Variants in DCT observed in about 807,000 individuals in gnomAD.
The protein encoded by DCT is dopachrome tautomerase.
A neutral mutation model predicts 53.0 loss-of-function variants in DCT; 47 were observed. That is an observed-to-expected ratio of 0.89 (90% confidence interval 0.70 to 1.13). The LOEUF (loss-of-function observed/expected upper bound fraction) is 1.13. Ranked by LOEUF, DCT falls within the 50% of genes most tolerant of loss-of-function variation. The pLI is 0.00. For synonymous variants in DCT, 244 were observed against 237.0 expected, an observed-to-expected ratio of 1.03 and a Z score of -0.27; for missense variants, 669 against 637.4, an observed-to-expected ratio of 1.05 and a Z score of -0.53.
the DCT span, among the ~76,000 whole-genome samples, chr13:94,547,487 C>T: frequency 1.3e-5 from 2 of 152,052 alleles, no homozygotes; most frequent in African/African-American, 2.4e-5. Context: ...CTGCCTTATG[C>T]CCTTCAGTCG....
the DCT span, among the ~76,000 whole-genome samples, chr13:94,545,141 A>T: frequency 1.3e-5 from 2 of 152,080 alleles, no homozygotes; most frequent in African/African-American, 4.8e-5. Flanking sequence ...ACTCCCGGGA[A>T]GTGACAGTGT....
At chr13:94,537,829 A>G in the DCT span, among the ~76,000 whole-genome samples, 1 of 152,202 alleles carries the variant, frequency 6.6e-6, no homozygotes, top group Non-Finnish European at 1.5e-5. Context: ...ACGTCAGTGT[A>G]GGCTCTCAGA....
chr13:94,487,591 A>G, the DCT span, among the ~76,000 whole-genome samples: 1 of 152,186 alleles, frequency 6.6e-6, no homozygotes, highest in Non-Finnish European at 1.5e-5. Flanking sequence ...ATTGAAGAGA[A>G]AGGTAGATGT....
chr13:94,448,223 T>C (rs1480447492), intron 6 of DCT, among the ~76,000 whole-genome samples: 1 of 151,958 alleles, frequency 6.6e-6, no homozygotes, highest in Non-Finnish European at 1.5e-5. Context: ...CCAGCCTGAG[T>C]GACAGAGCGA....
chr13:94,503,097 T>C, the DCT span, among the ~76,000 whole-genome samples: 3 of 152,022 alleles, frequency 2.0e-5, no homozygotes, highest in African/African-American at 7.2e-5. Context: ...TACAGTTAGG[T>C]TGGGTGCGGT....
the DCT span, among the ~76,000 whole-genome samples, chr13:94,510,282 T>A: frequency 3.9e-5 from 6 of 152,258 alleles, no homozygotes; most frequent in South Asian, 4.1e-4. Flanking sequence ...GGGTGCATCA[T>A]GGGTATCGGG....
chr13:94,495,101 T>A, the DCT span, among the ~76,000 whole-genome samples: 2 of 152,214 alleles, frequency 1.3e-5, no homozygotes, highest in African/African-American at 4.8e-5. Flanking sequence ...CTTATTTATA[T>A]TTTCTTTTTT....
At chr13:94,524,820 G>A in the DCT span, among the ~76,000 whole-genome samples, 4 of 152,162 alleles carry the variant, frequency 2.6e-5, no homozygotes, top group East Asian at 1.9e-4. Context: ...GGGTTGTTAC[G>A]AATGTAACTA....
intron 6 of DCT, among the ~76,000 whole-genome samples, chr13:94,453,043 C>T (rs1368750853): frequency 1.3e-5 from 2 of 151,974 alleles, no homozygotes; most frequent in Non-Finnish European, 2.9e-5. Flanking sequence ...ATTTAGAAAA[C>T]TATGCAACAA....
At position 94,462,184 on chromosome 13, in the gene DCT, T is replaced by C; in HGVS notation, c.869A>G (p.Asp290Gly). 6.2e-7 allele frequency: 1 copy of C among 1,610,976 alleles called. No homozygotes were observed. The highest frequency in any genetic ancestry group is 1.1e-5 in the South Asian group (1 of 91,000). ...SSWETVCDSLDDYNHLVTLCN... is the reference protein window; with the variant it reads ...SSWETVCDSLGDYNHLVTLCN... ...CAAGGTGACCAGGTGGTTGTAGTCA[T>C]CCAAGCTAAGATTTGTAATAAGATT... is the stretch of plus-strand genomic sequence containing the variant. Residue 290 changes from aspartate to glycine, a missense_variant, in exon 5 of 8, where the codon GAT becomes GGT. Transcript: ENST00000377028.
At chr13:94,538,793 G>T in the DCT span, among the ~76,000 whole-genome samples, 14 of 152,288 alleles carry the variant, frequency 9.2e-5, no homozygotes, top group African/African-American at 3.1e-4. Flanking sequence ...ATTTTCAGAA[G>T]CTTCCCCATC....
chr13:94,449,745 T>C (rs981218965), intron 6 of DCT, among the ~76,000 whole-genome samples: 4 of 152,228 alleles, frequency 2.6e-5, no homozygotes, highest in African/African-American at 9.6e-5. Context: ...TTTAGGGAAA[T>C]ATCTTGTCTT....
chr13:94,530,192 C>A, the DCT span, among the ~76,000 whole-genome samples: 61,357 of 151,912 alleles, frequency 0.4, 13,126 homozygotes, highest in East Asian at 0.62. Flanking sequence ...GATACACAGC[C>A]GAATTCTACC....
At chr13:94,497,583 G>A in the DCT span, among the ~76,000 whole-genome samples, 3 of 152,110 alleles carry the variant, frequency 2.0e-5, no homozygotes, top group Non-Finnish European at 4.4e-5. Flanking sequence ...GCAAACTACA[G>A]AAAATAAAAT....
At chr13:94,468,596 G>A (rs979147320) in intron 2 of DCT, 150 bp downstream of exon 2, 132 of 703,702 alleles carry the variant, frequency 1.9e-4, no homozygotes, top group Non-Finnish European at 2.9e-4. Flanking sequence ...AACTCCAGGC[G>A]GTATTTGATA....
chr13:94,468,734 G>GA lies in DCT; in HGVS notation c.595+11dup. On this transcript the variant is annotated intron_variant, in intron 2 of 7. Transcript: ENST00000377028. ...CTGTAATAATATACCTTCAGCCAAG[G>GA]AAAAAACCCACCTAATAATGTATCT... 6.2e-7 allele frequency: 1 copy of GA among 1,609,084 alleles called. No individual in the cohort carries two copies. Among genetic ancestry groups the GA allele is most frequent in the Non-Finnish European group, 8.5e-7 (1 of 1,177,062 alleles).
In DCT at chr13:94,465,645, G is replaced by A; in HGVS notation, c.851C>T (p.Thr284Ile). The change falls in exon 4 of 8, where the codon ACT becomes ATT. Residue 284 changes from threonine (T) to isoleucine (I), a missense_variant. Physicochemically the swap from Thr to Ile is moderately conservative, Grantham distance 89. Coordinates refer to ENST00000377028, the MANE Select transcript of DCT (RefSeq NM_001922.5). ...CAGGAGCCATTACCTATCACAGACA[G>A]TTTCCCAGCTGGAGAATCTTGAGTT... The part of the protein sequence containing the change: ...SRNSRFSSWE[T>I]VCDSLDDYNH... 3.7e-6 allele frequency: 6 copies of A among 1,613,340 alleles called. No individual in the cohort carries two copies. The highest frequency in any genetic ancestry group is 5.1e-6 in the Non-Finnish European group (6 of 1,179,662).
At chr13:94,497,021 T>C in the DCT span, among the ~76,000 whole-genome samples, 1,687 of 152,328 alleles carry the variant, frequency 0.011, 26 homozygotes, top group African/African-American at 0.039. Context: ...GAAATCTGTG[T>C]TGGTTAATTT....
upstream of DCT, among the ~76,000 whole-genome samples, chr13:94,482,120 C>G (rs1010437476): frequency 1.4e-4 from 22 of 152,154 alleles, no homozygotes; most frequent in Non-Finnish European, 1.6e-4. Flanking sequence ...GGGGAGAGTC[C>G]GGCTGTGAGG....
Sources: allele counts gnomAD v4.1 joint callset (sites outside exome capture counted in the v4.1 genomes callset), GRCh38; gene constraint gnomAD v4.1.1; transcripts MANE v1.5; gene names NCBI Gene and HGNC (gene_info 2026-07-23, HGNC 2026-07-21).